The following EPHB1 variants were observed in gnomAD, a reference collection of about 807,000 sequenced individuals.
EPHB1 encodes the protein EPH receptor B1, also known as ephrin type-B receptor 1.
Under a neutral mutation model 94.4 loss-of-function variants are expected in EPHB1, and 30 were observed. The ratio of observed to expected loss-of-function variants is 0.32; its 90% CI spans 0.24 to 0.43. The LOEUF is 0.43. EPHB1 is among the 20% of genes least tolerant of loss of function. EPHB1 has a pLI of 1.00. For missense variants in EPHB1, 1,055 were observed against 1,308.3 expected, an observed-to-expected ratio of 0.81 and a Z score of 2.99; for synonymous variants, 522 against 489.1, an observed-to-expected ratio of 1.07 and a Z score of -0.89.
intron 4 of EPHB1, among the ~76,000 whole-genome samples, chr3:135,114,874 A>T (rs886504941): frequency 3.3e-5 from 5 of 152,216 alleles, no homozygotes; most frequent in African/African-American, 4.8e-5. Context: ...CAAAGCAGCT[A>T]AAATCCAAGC....
intron 2 of EPHB1, 57 bp downstream of exon 2, chr3:134,925,937 T>C: frequency 2.7e-6 from 4 of 1,467,906 alleles, no homozygotes; most frequent in Non-Finnish European, 3.7e-6. Context: ...ATCCATATGA[T>C]ATCTAGGGGA....
intron 3 of EPHB1, among the ~76,000 whole-genome samples, chr3:135,035,740 C>T (rs2107762874): frequency 6.6e-6 from 1 of 152,342 alleles, no homozygotes; most frequent in Middle Eastern, 3.4e-3. Flanking sequence ...TCTCCTGCCA[C>T]TGCACATATA....
intron 12 of EPHB1, among the ~76,000 whole-genome samples, chr3:135,225,476 C>A (rs937492866): frequency 1.3e-5 from 2 of 152,146 alleles, no homozygotes; most frequent in Non-Finnish European, 2.9e-5. Flanking sequence ...CCTTGGGAGA[C>A]CATGGCATTA....
At chr3:135,254,490 G>T (rs1449632262) in intron 15 of EPHB1, among the ~76,000 whole-genome samples, 1 of 146,164 alleles carries the variant, frequency 6.8e-6, no homozygotes, top group Non-Finnish European at 1.5e-5. Flanking sequence ...TTTTGTCTTT[G>T]GCTCTGTTTA....
At chr3:134,912,947 G>A (rs192720534) in intron 1 of EPHB1, among the ~76,000 whole-genome samples, 14 of 152,306 alleles carry the variant, frequency 9.2e-5, no homozygotes, top group Admixed American at 2.6e-4. Flanking sequence ...GATATTTCCC[G>A]GTATCAGAAT....
chr3:135,058,225 C>T (rs1937399220), intron 3 of EPHB1, among the ~76,000 whole-genome samples: 1 of 152,228 alleles, frequency 6.6e-6, no homozygotes, highest in East Asian at 1.9e-4. Flanking sequence ...TCCCTCATTC[C>T]TCTGCTCTAG....
chr3:135,227,340 C>G (rs1943425669), intron 12 of EPHB1, among the ~76,000 whole-genome samples: 1 of 152,138 alleles, frequency 6.6e-6, no homozygotes, highest in Non-Finnish European at 1.5e-5. Flanking sequence ...GAAACTGACT[C>G]CCCCTTCCAA....
At chr3:135,214,605 ACCC>A (rs972729665) in intron 12 of EPHB1, among the ~76,000 whole-genome samples, 1 of 152,026 alleles carries the variant, frequency 6.6e-6, no homozygotes, top group Non-Finnish European at 1.5e-5. Context: ...TGTAGGCAGC[ACCC>A]TCATCTCACC....
intron 1 of EPHB1, among the ~76,000 whole-genome samples, chr3:134,812,760 C>A (rs979051212): frequency 2.1e-4 from 32 of 152,228 alleles, no homozygotes; most frequent in African/African-American, 6.5e-4. Context: ...CACATCCTCA[C>A]CAGCAGTTGG....
At chr3:134,920,509 A>G (rs2038662560) in intron 1 of EPHB1, among the ~76,000 whole-genome samples, 1 of 152,100 alleles carries the variant, frequency 6.6e-6, no homozygotes, top group Non-Finnish European at 1.5e-5. Context: ...AAATACACAT[A>G]AGGCACTGCT....
At chr3:135,140,237 T>C (rs1017480771) in intron 5 of EPHB1, among the ~76,000 whole-genome samples, 1 of 152,102 alleles carries the variant, frequency 6.6e-6, no homozygotes, top group Non-Finnish European at 1.5e-5. Context: ...TAAAGAGGCA[T>C]CTCATAAAGA....
intron 1 of EPHB1, among the ~76,000 whole-genome samples, chr3:134,846,502 G>A (rs994876682): frequency 3.3e-5 from 5 of 152,152 alleles, no homozygotes; most frequent in Non-Finnish European, 5.9e-5. Context: ...GAATTTTATA[G>A]CCCAAATTTA....
At chr3:134,851,916 G>T (rs374043837) in intron 1 of EPHB1, among the ~76,000 whole-genome samples, 2 of 152,160 alleles carry the variant, frequency 1.3e-5, no homozygotes, top group African/African-American at 4.8e-5. Context: ...TGGAGGCCTG[G>T]TGTGCTTCCA....
intron 12 of EPHB1, among the ~76,000 whole-genome samples, chr3:135,208,290 C>CTT (rs1283544628): frequency 0.022 from 3,164 of 142,770 alleles, 62 homozygotes; most frequent in South Asian, 0.044. Context: ...CCTTTCATGA[C>CTT]GTGTGTGTGT....
chr3:135,202,504 T>A (rs1024873672), intron 12 of EPHB1, among the ~76,000 whole-genome samples: 1 of 152,202 alleles, frequency 6.6e-6, no homozygotes, highest in Non-Finnish European at 1.5e-5. Context: ...TCACCTGGAT[T>A]GTTACAGTGG....
intron 3 of EPHB1, among the ~76,000 whole-genome samples, chr3:135,040,607 T>C (rs765092953): frequency 2.7e-4 from 41 of 152,344 alleles, no homozygotes; most frequent in Middle Eastern, 3.4e-3. Context: ...CACAGACATG[T>C]GCACACATCA....
intron 3 of EPHB1, among the ~76,000 whole-genome samples, chr3:135,013,505 TAGAC>T (rs1346364968): frequency 4.6e-5 from 7 of 152,224 alleles, no homozygotes; most frequent in Non-Finnish European, 8.8e-5. Flanking sequence ...GCGGGTGATT[TAGAC>T]AGACAATCTT....
intron 2 of EPHB1, among the ~76,000 whole-genome samples, chr3:134,945,732 C>T (rs1442027963): frequency 6.6e-6 from 1 of 152,140 alleles, no homozygotes; most frequent in African/African-American, 2.4e-5. Context: ...GGAAGGAATA[C>T]AAGAAGCAAT....
At chr3:134,910,329 C>T (rs1231652980) in intron 1 of EPHB1, among the ~76,000 whole-genome samples, 1 of 152,176 alleles carries the variant, frequency 6.6e-6, no homozygotes, top group African/African-American at 2.4e-5. Context: ...CTGTTTGCCC[C>T]CCACTGTGGA....
Sources: gnomAD v4.1 joint callset for allele counts (sites outside exome capture counted in the v4.1 genomes callset) on GRCh38, gnomAD v4.1.1 for gene constraint, MANE v1.5 for transcripts, NCBI Gene and HGNC (gene_info 2026-07-23, HGNC 2026-07-21) for gene names.